Variants in SPDEF observed in about 807,000 individuals in gnomAD.
SPDEF encodes the protein SAM pointed domain containing ETS transcription factor.
Under a neutral mutation model 36.0 loss-of-function variants are expected in SPDEF, and 12 were observed. The ratio of observed to expected loss-of-function variants is 0.33; its 90% CI spans 0.21 to 0.54. The LOEUF is 0.54. SPDEF is among the 20% of genes least tolerant of loss of function. SPDEF has a pLI of 0.93. For missense variants in SPDEF, 388 were observed against 456.9 expected (o/e 0.85, Z 1.37); for synonymous variants, 205 against 193.0 (o/e 1.06, Z -0.51).
At chr6:34,545,739 G>C (rs763494000) in intron 1 of SPDEF, among the ~76,000 whole-genome samples, 2 of 152,110 alleles carry the variant, frequency 1.3e-5, no homozygotes, top group African/African-American at 4.8e-5. Flanking sequence ...GTGAAACCCT[G>C]TCCCTACTAA....
chr6:34,541,073 T>TCCTTGCCCGCCAGCTCCTGGAAGG lies in SPDEF; in HGVS notation c.521_544dup (p.Ala174_Lys181dup), dbSNP rs1767811182. 2 of 1,612,162 alleles carry TCCTTGCCCGCCAGCTCCTGGAAGG rather than the reference T, an allele frequency of 1.2e-6. No individual in the cohort carries two copies. The highest frequency in any genetic ancestry group is 1.7e-5 in the Admixed American group (1 of 59,874). On this transcript the variant is annotated inframe_insertion, in exon 3 of 6. Coordinates refer to ENST00000374037, the MANE Select transcript of SPDEF (RefSeq NM_012391.3). ...CTGCTCCTCCGACATGGCGCACAGC[T>TCCTTGCCCGCCAGCTCCTGGAAGG]CCTTGCCCGCCAGCTCCTGGAAGGC... is the stretch of plus-strand genomic sequence containing the variant.
At chr6:34,542,111 G>A (rs1048694161) in intron 2 of SPDEF, among the ~76,000 whole-genome samples, 4 of 152,230 alleles carry the variant, frequency 2.6e-5, no homozygotes, top group African/African-American at 7.2e-5. Flanking sequence ...TCCTGGAGTC[G>A]GCCTGGCATG....
At chr6:34,554,314 C>G (rs1768123401) in intron 1 of SPDEF, among the ~76,000 whole-genome samples, 1 of 152,194 alleles carries the variant, frequency 6.6e-6, no homozygotes, top group Non-Finnish European at 1.5e-5. Context: ...TTTTGCACTT[C>G]CTGCCAGCAT....
chr6:34,541,199 C>T lies in SPDEF; in HGVS notation c.437-18G>A, dbSNP rs748182166. On this transcript the variant is annotated intron_variant, in intron 2 of 5. Coordinates refer to ENST00000374037, the MANE Select transcript of SPDEF (RefSeq NM_012391.3). ...CATGGGATCTGGGCAAGAGGCATCCCCTCAGCTCAGGGGTGGCCTGAGAGC... is the reference window on the plus strand; with the variant it reads ...CATGGGATCTGGGCAAGAGGCATCCTCTCAGCTCAGGGGTGGCCTGAGAGC... 3.8e-6 allele frequency: 6 copies of T among 1,580,510 alleles called. No individual in the cohort carries two copies. Among genetic ancestry groups the T allele is most frequent in the Admixed American group, 3.6e-5 (2 of 56,124 alleles).
At position 34,556,195 on chromosome 6, in the gene SPDEF, C is replaced by T. The variant is rs894749699; in HGVS notation, c.-296G>A. On this transcript the variant is annotated 5_prime_UTR_variant, in exon 1 of 6. Transcript: ENST00000374037. The stretch of plus-strand genomic sequence containing the variant: ...CCCCCAGCCCAGGGCTGCCTGCTGG[C>T]ACCGTGGCAAGGCCCAACCTGAGGG... The T allele has an allele frequency of 6.6e-6, 1 of 152,264 alleles. No individual in the cohort carries two copies. Among genetic ancestry groups the T allele is most frequent in the East Asian group, 1.9e-4 (1 of 5,184 alleles). 9.4% of individuals were successfully genotyped at this position (152,264 alleles called of 1,614,324 possible). A position where few individuals can be genotyped will look rare whatever the true frequency, so the allele number is the denominator to read the frequency against.
chr6:34,552,360 AGGC>A lies in SPDEF; in HGVS notation c.-30+3566_-30+3568del, dbSNP rs1768079822. On this transcript the variant is annotated intron_variant, in intron 1 of 5. Transcript: ENST00000374037. The surrounding 1 kb of genome is among the most constrained non-coding windows in gnomAD (Gnocchi z 4.6). ...ACCGGAGCTCTGCTGCTCCTGCCTGAGGCCCCTTGGCCGATCCTCTTGGCCTCA... is the reference window on the plus strand; with the variant it reads ...ACCGGAGCTCTGCTGCTCCTGCCTGACCCTTGGCCGATCCTCTTGGCCTCA... Among the ~76,000 whole-genome samples the A allele has an allele frequency of 2.0e-5, 3 of 152,230 alleles. No homozygotes were observed. Among genetic ancestry groups the A allele is most frequent in the Non-Finnish European group, 4.4e-5 (3 of 68,050 alleles).
At chr6:34,542,356 G>A (rs1311297309) in intron 2 of SPDEF, among the ~76,000 whole-genome samples, 2 of 152,194 alleles carry the variant, frequency 1.3e-5, no homozygotes, top group African/African-American at 4.8e-5. Flanking sequence ...CAGCAGCCCC[G>A]CCACCCACAG....
chr6:34,540,277 G>A (rs898647247), intron 3 of SPDEF, among the ~76,000 whole-genome samples: 2 of 152,074 alleles, frequency 1.3e-5, no homozygotes, highest in Non-Finnish European at 2.9e-5. Context: ...TCCAGCCTGG[G>A]CAATAGAGTG....
chr6:34,546,515 G>A (rs1767957006), intron 1 of SPDEF, among the ~76,000 whole-genome samples: 1 of 152,150 alleles, frequency 6.6e-6, no homozygotes, highest in Non-Finnish European at 1.5e-5. Context: ...CTTCGGTAGG[G>A]CCACAGCTAG....
chr6:34,553,181 A>G (rs1205797337), intron 1 of SPDEF, among the ~76,000 whole-genome samples: 1 of 152,088 alleles, frequency 6.6e-6, no homozygotes, highest in Non-Finnish European at 1.5e-5. Flanking sequence ...CTCCCTCCCC[A>G]AGTCTGGAGG....
intron 3 of SPDEF, among the ~76,000 whole-genome samples, chr6:34,540,551 A>C (rs1767795895): frequency 1.3e-5 from 2 of 151,740 alleles, no homozygotes; most frequent in Admixed American, 6.6e-5. Flanking sequence ...CGGGAGCGGG[A>C]GGGGGAAACT....
In SPDEF at chr6:34,537,889, A is replaced by G. The variant is rs916272610; in HGVS notation, c.*385T>C. The G allele has an allele frequency of 1.5e-5, 3 of 195,566 alleles. No homozygotes were observed. Among genetic ancestry groups the G allele is most frequent in the Non-Finnish European group, 3.2e-5 (3 of 94,292 alleles). 12.1% of individuals were successfully genotyped at this position (195,566 alleles called of 1,614,324 possible). On this transcript the variant is annotated 3_prime_UTR_variant, in exon 6 of 6. Coordinates refer to ENST00000374037, the MANE Select transcript of SPDEF (RefSeq NM_012391.3). ...TGCAGATGTCTCCCTGCACCATGCC[A>G]GGTGTGGTGCAGAATGGGAGGCAGG...
chr6:34,550,662 C>G (rs369649626), intron 1 of SPDEF, among the ~76,000 whole-genome samples: 2 of 152,068 alleles, frequency 1.3e-5, no homozygotes, highest in African/African-American at 4.8e-5. Context: ...GAGCCCTGAT[C>G]TGTGTGAGTT....
chr6:34,542,935 A>T (rs576326500), intron 2 of SPDEF, among the ~76,000 whole-genome samples: 13 of 149,234 alleles, frequency 8.7e-5, no homozygotes, highest in African/African-American at 3.2e-4. Context: ...GGCTCACGCT[A>T]GTAATCCCAG....
At position 34,539,402 on chromosome 6, in the gene SPDEF, TG is replaced by T; in HGVS notation, c.683-7del. ...GCTCTCCTCACTGGTCGAGGCTGGG[TG>T]GCCAGGGAGGGTGGCGGTGAGTGGG... On this transcript the variant is annotated splice_polypyrimidine_tract_variant and splice_region_variant and intron_variant, in intron 4 of 5. Transcript: ENST00000374037. The surrounding 1 kb of genome is among the most constrained non-coding windows in gnomAD (Gnocchi z 5.2). The T allele has an allele frequency of 6.2e-7, 1 of 1,613,360 alleles. No homozygotes were observed.
chr6:34,544,131 G>T lies in SPDEF; in HGVS notation c.325C>A (p.Pro109Thr). The stretch of plus-strand genomic sequence containing the variant: ...TGCTCCTCCAAGGTCAGCCCGCCGG[G>T]CACCAAGTCCAGGCTGCCCGCTGGG... The part of the protein sequence containing the change: ...QAPAGSLDLV[P>T]GGLTLEEHSL... The change falls in exon 2 of 6, where the codon CCC (proline) becomes ACC (threonine). Residue 109 changes from proline to threonine, a missense_variant. By Grantham distance (38) the Pro-to-Thr change is conservative. Transcript: ENST00000374037. This position sits in a 1 kb window ranked among gnomAD's most constrained non-coding sequence, Gnocchi z 4.4. 1 of 1,613,832 alleles carries T rather than the reference G, an allele frequency of 6.2e-7. No homozygotes were observed.
chr6:34,541,452 T>C (rs1479810205), intron 2 of SPDEF, among the ~76,000 whole-genome samples: 1 of 151,982 alleles, frequency 6.6e-6, no homozygotes, highest in African/African-American at 2.4e-5. Context: ...AGGCCTTGGG[T>C]CCTCCCAGAT....
Position 34,539,224 on chromosome 6 carries a change from C to T in SPDEF, c.829+26G>A. ...ACAACCTCCATGCTCACTGGCCCTG[C>T]AGCGCCCCTTGGGCACCCTGCTCAC... is the stretch of plus-strand genomic sequence containing the variant. On this transcript the variant is annotated intron_variant, in intron 5 of 5. Coordinates refer to ENST00000374037, the MANE Select transcript of SPDEF (RefSeq NM_012391.3). This position sits in a 1 kb window ranked among gnomAD's most constrained non-coding sequence, Gnocchi z 5.2. The T allele has an allele frequency of 4.3e-6, 7 of 1,611,596 alleles. No homozygotes were observed. Among genetic ancestry groups the T allele is most frequent in the Non-Finnish European group, 5.9e-6 (7 of 1,178,904 alleles).
At chr6:34,541,838 C>T (rs1392891586) in intron 2 of SPDEF, among the ~76,000 whole-genome samples, 1 of 152,044 alleles carries the variant, frequency 6.6e-6, no homozygotes, top group Non-Finnish European at 1.5e-5. Context: ...CCTAGATGTC[C>T]CCCTGGGGTG....
Sources: allele counts gnomAD v4.1 joint callset (sites outside exome capture counted in the v4.1 genomes callset), GRCh38; gene constraint gnomAD v4.1.1; non-coding constraint Gnocchi (gnomAD v3.1); transcripts MANE v1.5; gene names NCBI Gene and HGNC (gene_info 2026-07-23, HGNC 2026-07-21).